Variants in MX1 observed in about 807,000 individuals in gnomAD.
MX1 encodes the protein interferon-induced GTP-binding protein Mx1.
Under a neutral mutation model 66.4 loss-of-function variants are expected in MX1, and 66 were observed. The observed-to-expected ratio is 0.99, with a 90% confidence interval of 0.82 to 1.22. MX1 has a LOEUF of 1.22. Ranked by LOEUF, MX1 falls within the 50% of genes most tolerant of loss-of-function variation. The pLI is 0.00. For missense variants in MX1, 787 were observed against 834.3 expected, an observed-to-expected ratio of 0.94 and a Z score of 0.70; for synonymous variants, 311 against 318.1, an observed-to-expected ratio of 0.98 and a Z score of 0.24.
chr21:41,425,968 A>T (rs1002833937), upstream of MX1: 1 of 152,940 alleles, frequency 6.5e-6, no homozygotes, highest in African/African-American at 2.4e-5. Flanking sequence ...GGCTTGGATG[A>T]CTCCGGGCCA....
chr21:41,434,770 A>T (rs1448637261), intron 5 of MX1, among the ~76,000 whole-genome samples: 1 of 152,222 alleles, frequency 6.6e-6, no homozygotes, highest in East Asian at 1.9e-4. Context: ...TAAACCCCAC[A>T]ATACATTGTT....
intron 7 of MX1, among the ~76,000 whole-genome samples, chr21:41,438,902 G>C (rs916420218): frequency 2.0e-5 from 3 of 152,042 alleles, no homozygotes; most frequent in Admixed American, 2.0e-4. Context: ...AGGCCCCCCC[G>C]TGACTTAGTC....
rs529554879 is a variant in MX1, at chr21:41,431,887, C to T, written c.-21-163C>T. 6 of 590,088 alleles carry T rather than the reference C, an allele frequency of 1.0e-5. No individual in the cohort carries two copies. In the Admixed American group the frequency reaches 1.2e-4, roughly 12 times the overall value. The allele number at this position is 590,088 out of a possible 1,614,324, so 36.6% of individuals were successfully genotyped here. ...TCCGTGAATAAAAAGCCAGTGAGCA[C>T]ACACTGTGTCCCAGGCACTCTTCTA... On this transcript the variant is annotated intron_variant, in intron 4 of 16. Transcript: ENST00000398598.
chr21:41,447,421 A>G (rs986243797), intron 13 of MX1, among the ~76,000 whole-genome samples: 1 of 152,174 alleles, frequency 6.6e-6, no homozygotes, highest in Non-Finnish European at 1.5e-5. Flanking sequence ...CGTAACACCA[A>G]GTCCTGGAAT....
chr21:41,422,718 T>TGA (rs1423113615), upstream of MX1: 1 of 152,224 alleles, frequency 6.6e-6, no homozygotes, highest in Admixed American at 6.5e-5. Flanking sequence ...TGGGAGGTTG[T>TGA]GAGCTTCTTA....
intron 4 of MX1, among the ~76,000 whole-genome samples, chr21:41,431,082 G>A (rs781089297): frequency 5.3e-5 from 8 of 152,200 alleles, no homozygotes; most frequent in Non-Finnish European, 1.0e-4. Flanking sequence ...GAGTGCAGTG[G>A]TGCGATCTCG....
At chr21:41,430,027 G>T (rs1252693987) in intron 3 of MX1, 2 of 152,122 alleles carry the variant, frequency 1.3e-5, no homozygotes, top group Non-Finnish European at 2.9e-5. Context: ...TTTAAGTATT[G>T]GTGTTGGGGA....
At chr21:41,450,754 GATAA>G (rs1420893619) in intron 14 of MX1, among the ~76,000 whole-genome samples, 4 of 151,808 alleles carry the variant, frequency 2.6e-5, no homozygotes, top group East Asian at 1.9e-4. Flanking sequence ...AAAAATAAAA[GATAA>G]ATAATATAAA....
At position 41,458,714 on chromosome 21, in the gene MX1, C is replaced by A; in HGVS notation, c.1945C>A (p.Arg649=). 6.2e-7 allele frequency: 1 copy of A among 1,613,980 alleles called. No homozygotes were observed. The highest frequency in any genetic ancestry group is 2.2e-5 in the East Asian group (1 of 44,876). Residue 649 remains arginine, a synonymous_variant, in exon 17 of 17, where the codon CGG becomes AGG. Transcript: ENST00000398598. Reference sequence around the variant, plus strand: ...GAAGTTCCTGAAGGAGCGGCTTGCACGGCTGACGCAGGCTCGGCGCCGGCT... The same window carrying A: ...GAAGTTCCTGAAGGAGCGGCTTGCAAGGCTGACGCAGGCTCGGCGCCGGCT... ...KRKFLKERLA[R]LTQARRRLAQ... is the part of the protein sequence containing the mutation.
At chr21:41,437,505 G>T (rs769034074) in intron 7 of MX1, among the ~76,000 whole-genome samples, 2 of 152,092 alleles carry the variant, frequency 1.3e-5, no homozygotes, top group African/African-American at 4.8e-5. Context: ...GCTGGGCAGG[G>T]TGGCATGCAC....
Position 41,441,847 on chromosome 21 carries a change from G to A in MX1, c.862G>A (p.Asp288Asn), listed in dbSNP as rs747396052. Residue 288 changes from aspartate (D) to asparagine (N), a missense_variant, in exon 10 of 17, where the codon GAC becomes AAC. Coordinates refer to ENST00000398598, the MANE Select transcript of MX1 (RefSeq NM_002462.5). This position sits in a 1 kb window ranked among gnomAD's most constrained non-coding sequence, Gnocchi z 4.0. ...VKCRGQQEIQ[D>N]QLSLSEALQR... is the part of the protein sequence containing the mutation. ...GTGCCGGGGCCAGCAGGAGATCCAG[G>A]ACCAGCTGAGCCTGTCCGAAGCCCT... is the stretch of plus-strand genomic sequence containing the variant. The A allele has an allele frequency of 1.9e-6, 3 of 1,614,168 alleles. No homozygotes were observed. Among genetic ancestry groups the A allele is most frequent in the South Asian group, 2.2e-5 (2 of 91,078 alleles).
At chr21:41,452,561 T>G in intron 15 of MX1, 60 bp from the exon 16 acceptor site, 2 of 1,543,904 alleles carry the variant, frequency 1.3e-6, no homozygotes, top group Non-Finnish European at 1.7e-6. Flanking sequence ...TTACCTACTT[T>G]CCTGTGACTC....
intron 16 of MX1, among the ~76,000 whole-genome samples, chr21:41,453,399 G>C (rs1168901710): frequency 6.6e-6 from 1 of 152,226 alleles, no homozygotes; most frequent in Non-Finnish European, 1.5e-5. Context: ...CTCAGACAGA[G>C]AGATGGTGGC....
intron 13 of MX1, among the ~76,000 whole-genome samples, chr21:41,448,837 C>G (rs963628496): frequency 5.3e-5 from 8 of 151,802 alleles, no homozygotes; most frequent in African/African-American, 1.7e-4. Flanking sequence ...GGGTCTTACT[C>G]GAAGTTTCTG....
chr21:41,443,175 CA>C (rs900137749), intron 10 of MX1, among the ~76,000 whole-genome samples: 1 of 152,200 alleles, frequency 6.6e-6, no homozygotes, highest in Non-Finnish European at 1.5e-5. Flanking sequence ...AGTATACTCA[CA>C]AAAAGGCACA....
chr21:41,443,585 C>A (rs2090576867), intron 10 of MX1: 2 of 594,326 alleles, frequency 3.4e-6, no homozygotes, highest in Non-Finnish European at 6.1e-6. Flanking sequence ...CATTCCATAT[C>A]ATTGTGGAAA....
At chr21:41,451,033 C>T (rs953169002) in intron 14 of MX1, 134 bp from the exon 15 acceptor site, 3 of 576,808 alleles carry the variant, frequency 5.2e-6, no homozygotes, top group Non-Finnish European at 9.2e-6. Flanking sequence ...CTTGCTTTTT[C>T]ATGGTAAAGA....
At chr21:41,448,930 TTGTGTGTGTGTGTGTG>T (rs10528033) in intron 13 of MX1, among the ~76,000 whole-genome samples, 191 bp from the exon 14 acceptor site, 210 of 139,612 alleles carry the variant, frequency 1.5e-3, no homozygotes, top group South Asian at 8.8e-3. Context: ...AGATCTGGTT[TTGTGTGTGTGTGTGTG>T]TGTGTGTGTG....
At position 41,458,581 on chromosome 21, in the gene MX1, G is replaced by A. The variant is rs2091011255; in HGVS notation, c.1812G>A (p.Met604Ile). The A allele has an allele frequency of 1.9e-6, 3 of 1,610,662 alleles. No individual in the cohort carries two copies. The highest frequency in any genetic ancestry group is 4.5e-5 in the East Asian group (2 of 44,670). Residue 604 changes from methionine to isoleucine, a missense_variant, in exon 17 of 17, where the codon ATG (methionine) becomes ATA (isoleucine). Coordinates refer to ENST00000398598, the MANE Select transcript of MX1 (RefSeq NM_002462.5). Reference protein sequence around the residue: ...SHIPLIIQFFMLQTYGQQLQK... With the variant: ...SHIPLIIQFFILQTYGQQLQK... Reference sequence around the variant, plus strand: ...TCCCTTTGATCATCCAGTTCTTCATGCTCCAGACGTACGGCCAGCAGCTTC... The same window carrying A: ...TCCCTTTGATCATCCAGTTCTTCATACTCCAGACGTACGGCCAGCAGCTTC...
Sources: gnomAD v4.1 joint callset for allele counts (sites outside exome capture counted in the v4.1 genomes callset) on GRCh38, gnomAD v4.1.1 for gene constraint, Gnocchi (gnomAD v3.1) non-coding constraint, MANE v1.5 for transcripts, NCBI Gene and HGNC (gene_info 2026-07-23, HGNC 2026-07-21) for gene names.